Variants in EYS observed in about 807,000 individuals in gnomAD.
EYS encodes the protein protein eyes shut homolog.
A neutral mutation model predicts 282.1 loss-of-function variants in EYS; 250 were observed. That is an observed-to-expected ratio of 0.89 (90% CI 0.80 to 0.98). The LOEUF (loss-of-function observed/expected upper bound fraction) is 0.98, where lower values mean the gene tolerates loss of function less well. Among genes scored for constraint, EYS ranks in the 50% least tolerant of loss-of-function variants. The pLI, the probability that EYS is intolerant of heterozygous loss-of-function variation, is 0.00. For missense variants in EYS, 4,016 were observed against 3,709.0 expected (o/e 1.08, Z -2.15); for synonymous variants, 1,355 against 1,282.9 (o/e 1.06, Z -1.20).
chr6:65,328,093 T>C (rs1769675540), intron 11 of EYS, among the ~76,000 whole-genome samples: 1 of 151,496 alleles, frequency 6.6e-6, no homozygotes, highest in Non-Finnish European at 1.5e-5. Context: ...CTGTGACTTT[T>C]AGAAATTGTG....
chr6:64,393,289 G>A (rs892757009), intron 28 of EYS, among the ~76,000 whole-genome samples: 2 of 152,136 alleles, frequency 1.3e-5, no homozygotes, highest in African/African-American at 4.8e-5. Context: ...TATAAGGCCA[G>A]CATCATTCTG....
intron 39 of EYS, among the ~76,000 whole-genome samples, chr6:63,787,810 A>G (rs920433592): frequency 6.6e-6 from 1 of 152,106 alleles, no homozygotes; most frequent in African/African-American, 2.4e-5. Context: ...GTGGTTGTGC[A>G]TGCCTGTAAT....
intron 2 of EYS, among the ~76,000 whole-genome samples, chr6:65,509,547 T>G (rs2127286119): frequency 6.6e-6 from 1 of 152,318 alleles, no homozygotes. Context: ...TTGCCTACTG[T>G]TATTTGGGTT....
rs537782484 is a variant in EYS at position 64,096,804 on chromosome 6, T to C, written c.6425-14802A>G. 2.6e-5 allele frequency among the ~76,000 whole-genome samples: 4 copies of C among 152,338 alleles called. No homozygotes were observed. The East Asian group carries it at 7.7e-4, about 29-fold the overall frequency. ...GTTCCGTTGCTGGTGACGAGCTGCATTCCTTTGGAGGAGGAGAGCTGCTCT... is the reference window on the plus strand; with the variant it reads ...GTTCCGTTGCTGGTGACGAGCTGCACTCCTTTGGAGGAGGAGAGCTGCTCT... On this transcript the variant is annotated intron_variant, in intron 31 of 42. Transcript: ENST00000503581.
intron 31 of EYS, among the ~76,000 whole-genome samples, chr6:64,154,000 T>C (rs747594823): frequency 1.3e-5 from 2 of 152,230 alleles, no homozygotes; most frequent in African/African-American, 2.4e-5. Context: ...AGATACAGTA[T>C]GATAGGATTA....
At chr6:64,515,514 T>C (rs1447112036) in intron 26 of EYS, among the ~76,000 whole-genome samples, 2 of 151,624 alleles carry the variant, frequency 1.3e-5, no homozygotes, top group African/African-American at 4.8e-5. Context: ...TTAGTCATTT[T>C]GGTATTTTCA....
chr6:63,940,089 A>T (rs1765187663), intron 35 of EYS, among the ~76,000 whole-genome samples: 1 of 152,166 alleles, frequency 6.6e-6, no homozygotes, highest in Non-Finnish European at 1.5e-5. Flanking sequence ...GTAAAAACTG[A>T]TCTCCTGTGG....
intron 2 of EYS, among the ~76,000 whole-genome samples, chr6:65,562,798 ATGTGT>A (rs952896592): frequency 6.6e-6 from 1 of 152,072 alleles, no homozygotes; most frequent in Non-Finnish European, 1.5e-5. Flanking sequence ...ACTGTTAAAA[ATGTGT>A]TGTGATTTTA....
chr6:65,475,534 T>C (rs1232961691), intron 5 of EYS, among the ~76,000 whole-genome samples: 1 of 152,132 alleles, frequency 6.6e-6, no homozygotes, highest in Non-Finnish European at 1.5e-5. Context: ...ATTTAGTTAA[T>C]GATAAGTAGC....
At chr6:65,507,613 G>A (rs1766705152) in intron 2 of EYS, among the ~76,000 whole-genome samples, 1 of 151,908 alleles carries the variant, frequency 6.6e-6, no homozygotes, top group African/African-American at 2.4e-5. Flanking sequence ...ACTCTGCTGT[G>A]ATTTTATTTT....
intron 31 of EYS, among the ~76,000 whole-genome samples, chr6:64,210,068 C>A (rs534586248): frequency 6.6e-6 from 1 of 152,268 alleles, no homozygotes; most frequent in Admixed American, 6.5e-5. Context: ...TAGGTTACAA[C>A]TTACTTTCTA....
chr6:63,731,483 A>T (rs1768779631), intron 41 of EYS, among the ~76,000 whole-genome samples: 4 of 152,138 alleles, frequency 2.6e-5, no homozygotes, highest in Admixed American at 2.6e-4. Context: ...TACTTATGGT[A>T]TGCTATTCAA....
intron 35 of EYS, among the ~76,000 whole-genome samples, chr6:63,925,076 T>C (rs142225461): frequency 6.6e-6 from 1 of 152,306 alleles, no homozygotes; most frequent in African/African-American, 2.4e-5. Flanking sequence ...CTGGACATCT[T>C]TGGGCAACTT....
rs146930834 is a variant in EYS, at chr6:65,456,325, C to T, written c.862+34269G>A. ...AAATTAGCTGGGCGTGGTGGAGTGC[C>T]GGTAGTCCCAGCTACTCAGGAGGCT... On this transcript the variant is annotated intron_variant, in intron 5 of 42. Coordinates refer to ENST00000503581, the MANE Select transcript of EYS (RefSeq NM_001142800.2). Among the ~76,000 whole-genome samples the T allele has an allele frequency of 1.0e-3, 158 of 151,858 alleles. 2 individuals carry two copies. In the East Asian group the frequency reaches 0.024, roughly 23 times the overall value.
chr6:65,608,833 AGT>A (rs1765893385), intron 2 of EYS, among the ~76,000 whole-genome samples: 1 of 152,030 alleles, frequency 6.6e-6, no homozygotes, highest in Admixed American at 6.6e-5. Flanking sequence ...ATGCCTACAA[AGT>A]GTCAAGATCA....
At chr6:65,187,960 GCTTTT>G (rs1051541307) in intron 12 of EYS, among the ~76,000 whole-genome samples, 1 of 151,424 alleles carries the variant, frequency 6.6e-6, no homozygotes, top group East Asian at 1.9e-4. Context: ...TATAACAATG[GCTTTT>G]CTTAAGACAT....
At chr6:64,610,029 T>C (rs1211899536) in intron 24 of EYS, among the ~76,000 whole-genome samples, 1 of 152,114 alleles carries the variant, frequency 6.6e-6, no homozygotes, top group Non-Finnish European at 1.5e-5. Context: ...GAAAGAACAC[T>C]GATCTACCAT....
chr6:64,229,752 C>G (rs1184752958), intron 31 of EYS, among the ~76,000 whole-genome samples: 1 of 152,134 alleles, frequency 6.6e-6, no homozygotes. Flanking sequence ...CATACATACA[C>G]ATACACAAAC....
At chr6:64,186,515 A>G (rs1277856283) in intron 31 of EYS, among the ~76,000 whole-genome samples, 3 of 152,132 alleles carry the variant, frequency 2.0e-5, no homozygotes, top group Non-Finnish European at 4.4e-5. Flanking sequence ...TTTTCAGATA[A>G]CACTTTCTAT....
Sources: gnomAD v4.1 joint callset for allele counts (sites outside exome capture counted in the v4.1 genomes callset) on GRCh38, gnomAD v4.1.1 for gene constraint, MANE v1.5 for transcripts, NCBI Gene and HGNC (gene_info 2026-07-23, HGNC 2026-07-21) for gene names.